Variants in TTF2 observed in about 807,000 individuals in gnomAD.
TTF2 encodes the protein RNA polymerase II termination factor.
A neutral mutation model predicts 142.4 loss-of-function variants in TTF2; 108 were observed. The ratio of observed to expected loss-of-function variants is 0.76; its 90% confidence interval spans 0.65 to 0.89. The LOEUF (loss-of-function observed/expected upper bound fraction) is 0.89. TTF2 is among the 40% of genes least tolerant of loss of function. The pLI is 0.00. For synonymous variants in TTF2, 483 were observed against 506.2 expected (o/e 0.95, Z 0.61); for missense variants, 1,327 against 1,379.8 (o/e 0.96, Z 0.61).
rs1219161568 is a variant in TTF2, at chr1:117,081,999, C to T, written c.1903+52C>T. 1.9e-6 allele frequency: 3 copies of T among 1,612,322 alleles called. No homozygotes were observed. In the South Asian group the frequency reaches 3.3e-5, roughly 18 times the overall value. On this transcript the variant is annotated intron_variant, in intron 10 of 22. Coordinates refer to ENST00000369466, the MANE Select transcript of TTF2 (RefSeq NM_003594.4). Reference sequence around the variant, plus strand: ...CCATTCCCTACGTCATTTGAGCCACCCAAGAGGGGAACGTCTTCAGCTAAA... The same window carrying T: ...CCATTCCCTACGTCATTTGAGCCACTCAAGAGGGGAACGTCTTCAGCTAAA...
intron 3 of TTF2, among the ~76,000 whole-genome samples, chr1:117,066,940 T>C (rs1235310749): frequency 6.6e-6 from 1 of 152,068 alleles, no homozygotes; most frequent in Non-Finnish European, 1.5e-5. Flanking sequence ...TAGCCTCAAG[T>C]GGTCTGCCTG....
chr1:117,060,974 GT>G (rs1176070072), intron 2 of TTF2, among the ~76,000 whole-genome samples: 1 of 152,082 alleles, frequency 6.6e-6, no homozygotes, highest in Non-Finnish European at 1.5e-5. Flanking sequence ...AGGCCCGACG[GT>G]TTTTTTTAAA....
rs1649954563 is a variant in TTF2, at chr1:117,106,507, G to A, written c.*4983G>A. On this transcript the variant is annotated 3_prime_UTR_variant, in exon 23 of 23. Coordinates refer to ENST00000369466, the MANE Select transcript of TTF2 (RefSeq NM_003594.4). ...GAACACTTTTTATATGCCAGGCACTGCTGGGCACTGGAAATATAAAAGTAA... is the reference window on the plus strand; with the variant it reads ...GAACACTTTTTATATGCCAGGCACTACTGGGCACTGGAAATATAAAAGTAA... The A allele has an allele frequency of 6.6e-6, 1 of 152,202 alleles. No homozygotes were observed. The highest frequency in any genetic ancestry group is 2.4e-5 in the African/African-American group (1 of 41,434). 9.4% of individuals were successfully genotyped at this position (152,202 alleles called of 1,614,324 possible). A position where few individuals can be genotyped will look rare whatever the true frequency, so the allele number is the denominator to read the frequency against.
intron 3 of TTF2, among the ~76,000 whole-genome samples, chr1:117,071,627 A>G (rs1185078825): frequency 9.2e-6 from 1 of 108,896 alleles, no homozygotes; most frequent in Non-Finnish European, 2.3e-5. Context: ...ATTTCAGCAG[A>G]CAAAATATAT....
chr1:117,094,921 T>C (rs912221137), intron 18 of TTF2, among the ~76,000 whole-genome samples: 1 of 152,054 alleles, frequency 6.6e-6, no homozygotes, highest in Non-Finnish European at 1.5e-5. Context: ...CAAAAGGGTG[T>C]TCTAGGCAGA....
At chr1:117,060,985 ATGTT>A (rs557015213) in intron 2 of TTF2, among the ~76,000 whole-genome samples, 43 of 152,218 alleles carry the variant, frequency 2.8e-4, no homozygotes, top group Non-Finnish European at 5.3e-4. Context: ...TTTTTTTTAA[ATGTT>A]TGAGCTTAAA....
Position 117,070,705 on chromosome 1 carries a change from T to C in TTF2, c.219-2956T>C, listed in dbSNP as rs1358483382. ...GAAATTGTATTACATATGTTTAATA[T>C]AATATCCTATTGCAATGAGAAAAAT... On this transcript the variant is annotated intron_variant, in intron 3 of 22. Transcript: ENST00000369466. This position sits in a 1 kb window ranked among gnomAD's most constrained non-coding sequence, Gnocchi z 4.2. 6.6e-6 allele frequency among the ~76,000 whole-genome samples: 1 copy of C among 152,246 alleles called. No individual in the cohort carries two copies. Among genetic ancestry groups the C allele is most frequent in the South Asian group, 2.1e-4 (1 of 4,832 alleles).
chr1:117,072,636 G>A (rs938329086), intron 3 of TTF2, among the ~76,000 whole-genome samples: 2 of 152,018 alleles, frequency 1.3e-5, no homozygotes, highest in Non-Finnish European at 2.9e-5. Flanking sequence ...TGTTGGCCAG[G>A]ATGGTCTCGA....
intron 3 of TTF2, 143 bp downstream of exon 3, chr1:117,062,616 G>T: frequency 1.6e-6 from 1 of 629,954 alleles, no homozygotes; most frequent in Non-Finnish European, 2.6e-6. Flanking sequence ...AGTGTCTTTT[G>T]GCTGTCACTA....
At chr1:117,072,987 G>A (rs1464215004) in intron 3 of TTF2, among the ~76,000 whole-genome samples, 1 of 152,000 alleles carries the variant, frequency 6.6e-6, no homozygotes. Flanking sequence ...TTTTTTAGTA[G>A]TTTTAATTTG....
At position 117,076,214 on chromosome 1, in the gene TTF2, C is replaced by G; in HGVS notation, c.1310C>G (p.Pro437Arg). 6.2e-7 allele frequency: 1 copy of G among 1,613,926 alleles called. No individual in the cohort carries two copies. The highest frequency in any genetic ancestry group is 8.5e-7 in the Non-Finnish European group (1 of 1,179,868). Residue 437 changes from proline to arginine, a missense_variant, in exon 6 of 23, where the codon CCA becomes CGA. Coordinates refer to ENST00000369466, the MANE Select transcript of TTF2 (RefSeq NM_003594.4). This position sits in a 1 kb window ranked among gnomAD's most constrained non-coding sequence, Gnocchi z 4.6. Reference sequence around the variant, plus strand: ...GCATCAGTGAACATCCAGGCTCTTCCAGACAAGGGTCAGAAGTTGATCAAA... The same window carrying G: ...GCATCAGTGAACATCCAGGCTCTTCGAGACAAGGGTCAGAAGTTGATCAAA... ...TLASVNIQAL[P>R]DKGQKLIKQI... is the part of the protein sequence containing the mutation.
At position 117,086,430 on chromosome 1, in the gene TTF2, G is replaced by A; in HGVS notation, c.2068G>A (p.Asp690Asn). ...DSRARVLSTYDIVITTYSLVA... is the reference protein window; with the variant it reads ...DSRARVLSTYNIVITTYSLVA... ...ATGTCTACGCAGCCTCTCTACATATGACATCGTGATCACTACCTATAGCCT... is the reference window on the plus strand; with the variant it reads ...ATGTCTACGCAGCCTCTCTACATATAACATCGTGATCACTACCTATAGCCT... Residue 690 changes from aspartate to asparagine, a missense_variant, in exon 12 of 23, where the codon GAC (aspartate) becomes AAC (asparagine). Coordinates refer to ENST00000369466, the MANE Select transcript of TTF2 (RefSeq NM_003594.4). This position sits in a 1 kb window ranked among gnomAD's most constrained non-coding sequence, Gnocchi z 4.2. 6.2e-7 allele frequency: 1 copy of A among 1,613,790 alleles called. No individual in the cohort carries two copies. The highest frequency in any genetic ancestry group is 8.5e-7 in the Non-Finnish European group (1 of 1,179,754).
intron 10 of TTF2, 43 bp downstream of exon 10, chr1:117,081,990 T>C (rs771838432): frequency 6.2e-7 from 1 of 1,613,132 alleles, no homozygotes; most frequent in Non-Finnish European, 8.5e-7. Context: ...CCTACGTCAT[T>C]TGAGCCACCC....
Position 117,086,265 on chromosome 1 carries a change from G to T in TTF2, c.2055-152G>T. ...CTCCAAAATGTGTGTGTGTGTGTGT[G>T]TGTGTGCGTGTGTGTGTTAAGGACA... On this transcript the variant is annotated intron_variant, in intron 11 of 22. Transcript: ENST00000369466. This position sits in a 1 kb window ranked among gnomAD's most constrained non-coding sequence, Gnocchi z 4.2. The T allele has an allele frequency of 3.4e-6, 2 of 584,782 alleles. No homozygotes were observed. The highest frequency in any genetic ancestry group is 4.2e-5 in the South Asian group (2 of 47,174). 36.2% of individuals were successfully genotyped at this position (584,782 alleles called of 1,614,324 possible).
chr1:117,098,744 G>A, intron 21 of TTF2, 89 bp from the exon 22 acceptor site: 1 of 1,089,484 alleles, frequency 9.2e-7, no homozygotes, highest in Non-Finnish European at 1.3e-6. Context: ...ACAAAAACAA[G>A]CTGTGGGCTG....
chr1:117,083,628 CT>C (rs1204162829), intron 10 of TTF2, among the ~76,000 whole-genome samples: 2 of 152,188 alleles, frequency 1.3e-5, no homozygotes. Flanking sequence ...GTGCCACCCA[CT>C]TTCCTCCCCC....
chr1:117,088,956 C>G lies in TTF2; in HGVS notation c.2316C>G (p.Asn772Lys), dbSNP rs767045929. 1.7e-5 allele frequency: 28 copies of G among 1,612,908 alleles called. No individual in the cohort carries two copies. The highest frequency in any genetic ancestry group is 2.1e-5 in the Non-Finnish European group (25 of 1,179,554). ...WAVTGTPIQN[N>K]LLDMYSLLKF... ...TCACTGGAACCCCCATTCAAAACAA[C>G]TTATTGGATATGTATTCGCTGCTGA... The change falls in exon 13 of 23, where the codon AAC becomes AAG. Residue 772 changes from asparagine to lysine, a missense_variant. Physicochemically the swap from Asn to Lys is moderately conservative, Grantham distance 94 (BLOSUM62 0). Transcript: ENST00000369466.
chr1:117,101,053 TG>T lies in TTF2; in HGVS notation c.3345-325del, dbSNP rs1438468424. On this transcript the variant is annotated intron_variant, in intron 22 of 22. Transcript: ENST00000369466. The surrounding 1 kb of genome is among the most constrained non-coding windows in gnomAD (Gnocchi z 5.9). ...AAATTTGATAACCTTTGAGGCCTTA[TG>T]GACTTACCAAGGTAGAACTTTTTGG... Among the ~76,000 whole-genome samples the T allele has an allele frequency of 6.6e-6, 1 of 152,256 alleles. No individual in the cohort carries two copies. The highest frequency in any genetic ancestry group is 2.4e-5 in the African/African-American group (1 of 41,462).
chr1:117,066,829 A>C (rs1376981901), intron 3 of TTF2, among the ~76,000 whole-genome samples: 1 of 151,042 alleles, frequency 6.6e-6, no homozygotes, highest in Admixed American at 6.6e-5. Flanking sequence ...CAGCCTCCCG[A>C]GTAGCTGGGA....
Sources: allele counts gnomAD v4.1 joint callset (sites outside exome capture counted in the v4.1 genomes callset), GRCh38; gene constraint gnomAD v4.1.1; non-coding constraint Gnocchi (gnomAD v3.1); transcripts MANE v1.5; gene names NCBI Gene and HGNC (gene_info 2026-07-23, HGNC 2026-07-21).